Variants in PRKG1 observed in about 807,000 individuals in gnomAD.
PRKG1 encodes the protein cGMP-dependent protein kinase 1.
PRKG1 carries 35 observed loss-of-function variants against 88.1 expected under a neutral mutation model. That is an observed-to-expected ratio of 0.40 (90% confidence interval 0.30 to 0.53). PRKG1 has a LOEUF of 0.53. PRKG1 is among the 20% of genes least tolerant of loss of function. The probability of loss-of-function intolerance (pLI) is 0.59; values close to 1 mark genes in which losing one functional copy is unlikely to be tolerated. For synonymous variants in PRKG1, 303 were observed against 292.5 expected (o/e 1.04, Z -0.37); for missense variants, 540 against 839.8 (o/e 0.64, Z 4.41).
At chr10:51,454,622 G>A (rs1839529049) in intron 2 of PRKG1, among the ~76,000 whole-genome samples, 1 of 152,176 alleles carries the variant, frequency 6.6e-6, no homozygotes, top group African/African-American at 2.4e-5. Context: ...CATAATCATG[G>A]TGGAAGCAAA....
chr10:51,079,371 G>T (rs924582443), intron 1 of PRKG1, among the ~76,000 whole-genome samples: 1 of 152,220 alleles, frequency 6.6e-6, no homozygotes, highest in Non-Finnish European at 1.5e-5. Flanking sequence ...TCATGTGGAA[G>T]TAGAAGGGTT....
chr10:51,289,668 A>ATG (rs1840531813), intron 2 of PRKG1, among the ~76,000 whole-genome samples: 1 of 151,052 alleles, frequency 6.6e-6, no homozygotes, highest in Non-Finnish European at 1.5e-5. Context: ...GGTAGATTCC[A>ATG]TGAGAGAGAG....
intron 9 of PRKG1, among the ~76,000 whole-genome samples, chr10:52,211,336 T>C (rs1172743286): frequency 6.6e-6 from 1 of 152,186 alleles, no homozygotes; most frequent in African/African-American, 2.4e-5. Flanking sequence ...TGTAGAGACA[T>C]AGTCAAGAAA....
In PRKG1 at chr10:51,484,569, G is replaced by A. The variant is rs929444945; in HGVS notation, c.592+16733G>A. Among the ~76,000 whole-genome samples the A allele has an allele frequency of 3.9e-5, 6 of 151,966 alleles. No homozygotes were observed. In the South Asian group the frequency reaches 6.2e-4, roughly 16 times the overall value. The stretch of plus-strand genomic sequence containing the variant: ...TGGGATTATAGACATAAGCTGCAGC[G>A]CCTGGCCCCCACATTTATTGTCATT... On this transcript the variant is annotated intron_variant, in intron 3 of 17. Coordinates refer to ENST00000373980, the MANE Select transcript of PRKG1 (RefSeq NM_006258.4).
chr10:52,200,335 T>C (rs1839632333), intron 9 of PRKG1, among the ~76,000 whole-genome samples: 1 of 152,176 alleles, frequency 6.6e-6, no homozygotes. Flanking sequence ...CCTGCCTTAG[T>C]TCGCTTAGGA....
intron 7 of PRKG1, among the ~76,000 whole-genome samples, chr10:52,084,531 T>G (rs761010353): frequency 2.6e-5 from 4 of 152,176 alleles, no homozygotes; most frequent in Non-Finnish European, 5.9e-5. Context: ...TTTGCTACAT[T>G]TGTTTCATCT....
intron 10 of PRKG1, among the ~76,000 whole-genome samples, chr10:52,269,830 T>G (rs1398380130): frequency 1.3e-5 from 2 of 152,098 alleles, no homozygotes; most frequent in African/African-American, 4.8e-5. Context: ...TCTTGAAATT[T>G]CTTGTAAAAC....
At chr10:52,192,946 T>C (rs1839404113) in intron 9 of PRKG1, among the ~76,000 whole-genome samples, 1 of 152,152 alleles carries the variant, frequency 6.6e-6, no homozygotes, top group Non-Finnish European at 1.5e-5. Flanking sequence ...ACTCTACTTC[T>C]ATTAATTTTC....
rs150189667 is a variant in PRKG1, at chr10:52,062,563, G to C, written c.867G>C (p.Pro289=). Residue 289 remains proline, a synonymous_variant, in exon 7 of 18, where the codon CCG becomes CCC. Coordinates refer to ENST00000373980, the MANE Select transcript of PRKG1 (RefSeq NM_006258.4). ...TAAATGTCACTCGTGAAGACTCACC[G>C]AGTGAAGACCCAGTCTTTCTTAGAA... ...GTVNVTREDS[P]SEDPVFLRTL... 1 of 1,604,604 alleles carries C rather than the reference G, an allele frequency of 6.2e-7. No individual in the cohort carries two copies.
intron 8 of PRKG1, among the ~76,000 whole-genome samples, chr10:52,152,615 C>G (rs1837965150): frequency 6.6e-6 from 1 of 151,972 alleles, no homozygotes; most frequent in African/African-American, 2.4e-5. Flanking sequence ...ATTCTATGGT[C>G]AAATGTAGCA....
chr10:51,829,850 A>G (rs1289707594), intron 4 of PRKG1, among the ~76,000 whole-genome samples: 2 of 152,190 alleles, frequency 1.3e-5, no homozygotes, highest in African/African-American at 4.8e-5. Flanking sequence ...GGTGAACCCT[A>G]CCACTGTCTT....
chr10:52,268,159 T>C (rs1194515), intron 10 of PRKG1, among the ~76,000 whole-genome samples: 135,769 of 152,092 alleles, frequency 0.89, 61,191 homozygotes, highest in East Asian at 1. Flanking sequence ...AGATCTTGTA[T>C]AGAGTCCAAA....
At chr10:51,626,377 G>A (rs1839337913) in intron 3 of PRKG1, among the ~76,000 whole-genome samples, 1 of 152,134 alleles carries the variant, frequency 6.6e-6, no homozygotes, top group African/African-American at 2.4e-5. Context: ...ATATTTTTAG[G>A]TATTGTGTTT....
intron 9 of PRKG1, among the ~76,000 whole-genome samples, chr10:52,238,644 TG>T (rs1189869117): frequency 9.9e-4 from 148 of 149,578 alleles, no homozygotes; most frequent in African/African-American, 3.4e-3. Flanking sequence ...CCAGTTAGAA[TG>T]GCAATCATTA....
intron 3 of PRKG1, among the ~76,000 whole-genome samples, chr10:51,713,611 C>T (rs1159984331): frequency 6.6e-6 from 1 of 152,116 alleles, no homozygotes; most frequent in Non-Finnish European, 1.5e-5. Flanking sequence ...ATATATGATT[C>T]TTTGGTAAAG....
chr10:51,508,905 A>G (rs546958994), intron 3 of PRKG1, among the ~76,000 whole-genome samples: 1 of 152,272 alleles, frequency 6.6e-6, no homozygotes, highest in Non-Finnish European at 1.5e-5. Flanking sequence ...CGGTATTGCT[A>G]TTAGCTATAT....
intron 2 of PRKG1, among the ~76,000 whole-genome samples, chr10:51,161,212 TG>T (rs2131988261): frequency 6.6e-6 from 1 of 152,176 alleles, no homozygotes; most frequent in Admixed American, 6.5e-5. Context: ...TAGAGGTAGG[TG>T]ATTAAGCTGA....
intron 2 of PRKG1, among the ~76,000 whole-genome samples, chr10:51,240,334 T>G (rs1407846624): frequency 1.3e-5 from 2 of 152,180 alleles, no homozygotes; most frequent in Non-Finnish European, 2.9e-5. Context: ...AGACATACCT[T>G]TGTTTGTGAG....
chr10:51,006,676 G>T (rs1269814305), intron 1 of PRKG1, among the ~76,000 whole-genome samples: 1 of 151,940 alleles, frequency 6.6e-6, no homozygotes, highest in Admixed American at 6.6e-5. Flanking sequence ...TCCATCCATG[G>T]TGTTGTCTCA....
Sources: gnomAD v4.1 joint callset for allele counts (sites outside exome capture counted in the v4.1 genomes callset) on GRCh38, gnomAD v4.1.1 for gene constraint, MANE v1.5 for transcripts, NCBI Gene and HGNC (gene_info 2026-07-23, HGNC 2026-07-21) for gene names.